Variants in KCNMB3 observed in about 807,000 individuals in gnomAD.
KCNMB3 encodes the protein calcium-activated potassium channel subunit beta-3.
In KCNMB3, 18 loss-of-function variants were observed where a neutral mutation model predicts 11.9. The observed-to-expected ratio is 1.51, with a 90% CI of 1.04 to 2.23. The LOEUF is 2.23. Among genes scored for constraint, KCNMB3 ranks in the 30% most tolerant of loss-of-function variants. KCNMB3 has a pLI of 0.00. For synonymous variants in KCNMB3, 78 were observed against 119.2 expected, an observed-to-expected ratio of 0.65 and a Z score of 2.25; for missense variants, 247 against 329.4, an observed-to-expected ratio of 0.75 and a Z score of 1.94.
downstream of KCNMB3, chr3:179,241,259 C>T (rs537895270): frequency 6.6e-6 from 1 of 152,240 alleles, no homozygotes; most frequent in South Asian, 2.1e-4. Context: ...CGTGAAAGAA[C>T]GGGTTATCCC....
At chr3:179,264,514 A>T (rs1726314723) in intron 1 of KCNMB3, among the ~76,000 whole-genome samples, 1 of 152,186 alleles carries the variant, frequency 6.6e-6, no homozygotes, top group Admixed American at 6.5e-5. Context: ...TTTTATTCAT[A>T]ATCAAGGCAA....
intron 1 of KCNMB3, chr3:179,261,285 C>T: frequency 8.6e-6 from 11 of 1,272,170 alleles, no homozygotes; most frequent in Non-Finnish European, 1.1e-5. Flanking sequence ...CTGCTGGGCT[C>T]GGCCCGCTCC....
chr3:179,260,673 A>C, intron 1 of KCNMB3: 1 of 1,359,916 alleles, frequency 7.4e-7, no homozygotes, highest in East Asian at 2.3e-5. Flanking sequence ...ACTATTTCTG[A>C]ATTTAGGATT....
At chr3:179,248,572 T>C (rs113289178) in intron 1 of KCNMB3, among the ~76,000 whole-genome samples, 17 of 151,628 alleles carry the variant, frequency 1.1e-4, no homozygotes, top group African/African-American at 3.4e-4. Context: ...TACCAACAAT[T>C]TAAAAATTAG....
exon 1 of KCNMB3, chr3:179,266,652 C>T: frequency 6.2e-7 from 1 of 1,614,118 alleles, no homozygotes; most frequent in South Asian, 1.1e-5. Flanking sequence ...GACTTACCTC[C>T]CCTGGCGCCT....
intron 1 of KCNMB3, 137 bp downstream of exon 1, chr3:179,250,606 G>A: frequency 1.1e-6 from 1 of 897,848 alleles, no homozygotes. Flanking sequence ...CAGCGGAAGA[G>A]GAATTGTATT....
chr3:179,260,617 T>G (rs1726175218), intron 1 of KCNMB3: 1 of 1,409,192 alleles, frequency 7.1e-7, no homozygotes. Flanking sequence ...TGGTAGGATC[T>G]TGGTATCAAA....
intron 1 of KCNMB3, among the ~76,000 whole-genome samples, chr3:179,257,679 A>C (rs1401661599): frequency 1.3e-5 from 2 of 152,250 alleles, no homozygotes; most frequent in African/African-American, 4.8e-5. Context: ...ATGATTAGAA[A>C]TTCAAACAAA....
chr3:179,261,205 C>T, intron 1 of KCNMB3: 1 of 1,356,988 alleles, frequency 7.4e-7, no homozygotes, highest in Non-Finnish European at 9.9e-7. Flanking sequence ...GCCGGGCCTC[C>T]GCCAGCCTCT....
chr3:179,242,736 T>A (rs1450962079), downstream of KCNMB3: 10 of 1,081,390 alleles, frequency 9.2e-6, no homozygotes, highest in Non-Finnish European at 1.2e-5. Flanking sequence ...TATGTATTTA[T>A]AGAAATAAAT....
At chr3:179,243,741 T>C (rs1560154091) in intron 2 of KCNMB3, among the ~76,000 whole-genome samples, 3 of 152,170 alleles carry the variant, frequency 2.0e-5, no homozygotes, top group Non-Finnish European at 4.4e-5. Flanking sequence ...TGCTCTAGAC[T>C]CACAGAGAGG....
chr3:179,251,369 G>A, upstream of KCNMB3: 3 of 1,433,880 alleles, frequency 2.1e-6, no homozygotes, highest in Non-Finnish European at 9.1e-7. Flanking sequence ...GTCCTGAACA[G>A]GGTTTGACTT....
At chr3:179,248,681 T>C (rs1576957089) in intron 1 of KCNMB3, among the ~76,000 whole-genome samples, 1 of 150,980 alleles carries the variant, frequency 6.6e-6, no homozygotes, top group Non-Finnish European at 1.5e-5. Context: ...TGAGCCATGA[T>C]TGAACCACTG....
At chr3:179,254,000 G>A (rs925228129), upstream of KCNMB3, among the ~76,000 whole-genome samples, 2 of 152,166 alleles carry the variant, frequency 1.3e-5, no homozygotes, top group African/African-American at 4.8e-5. Flanking sequence ...AAAACTATGT[G>A]AAAGTAGGAA....
At chr3:179,258,692 C>T (rs557106962) in intron 1 of KCNMB3, among the ~76,000 whole-genome samples, 6 of 152,292 alleles carry the variant, frequency 3.9e-5, no homozygotes, top group Non-Finnish European at 7.3e-5. Context: ...ATTCACATTC[C>T]TATCAGCCTA....
downstream of KCNMB3, chr3:179,241,360 T>C (rs1218692460): frequency 6.5e-6 from 1 of 154,338 alleles, no homozygotes; most frequent in Non-Finnish European, 1.5e-5. Flanking sequence ...TAAATCCTAC[T>C]CTGAGACACA....
chr3:179,242,575 C>T, downstream of KCNMB3: 1 of 199,496 alleles, frequency 5.0e-6, no homozygotes, highest in Non-Finnish European at 1.0e-5. Context: ...AGATTAGATA[C>T]CCTCATTGTT....
chr3:179,248,729 A>G (rs1021832237), intron 1 of KCNMB3, among the ~76,000 whole-genome samples: 64 of 143,610 alleles, frequency 4.5e-4, no homozygotes, highest in Non-Finnish European at 8.0e-4. Flanking sequence ...CCCTGCTTCA[A>G]AAAAAAAAAA....
At chr3:179,241,708 C>A (rs1725463426), downstream of KCNMB3, 1 of 152,324 alleles carries the variant, frequency 6.6e-6, no homozygotes, top group East Asian at 1.9e-4. Flanking sequence ...CTTATGACAT[C>A]ATTTAATAAC....
Sources: gnomAD v4.1 joint callset for allele counts (sites outside exome capture counted in the v4.1 genomes callset) on GRCh38, gnomAD v4.1.1 for gene constraint, MANE v1.5 for transcripts, NCBI Gene and HGNC (gene_info 2026-07-23, HGNC 2026-07-21) for gene names.